Variants in GRID1 observed in about 807,000 individuals in gnomAD.
GRID1 encodes the protein glutamate ionotropic receptor delta type subunit 1, also known as glutamate receptor ionotropic, delta-1.
A neutral mutation model predicts 98.0 loss-of-function variants in GRID1; 28 were observed. That is an observed-to-expected ratio of 0.29 (90% CI 0.21 to 0.39). The LOEUF (loss-of-function observed/expected upper bound fraction) is 0.39. GRID1 is among the 10% of genes least tolerant of loss of function. The pLI is 1.00. For missense variants in GRID1, 1,111 were observed against 1,340.5 expected (o/e 0.83, Z 2.67); for synonymous variants, 553 against 538.5 (o/e 1.03, Z -0.37).
chr10:86,101,692 C>T (rs1176471818), intron 4 of GRID1, among the ~76,000 whole-genome samples: 1 of 148,330 alleles, frequency 6.7e-6, no homozygotes, highest in Non-Finnish European at 1.5e-5. Flanking sequence ...GGCTAGAGTG[C>T]AGTGTGGTGC....
intron 8 of GRID1, among the ~76,000 whole-genome samples, chr10:85,741,083 T>A (rs1841938786): frequency 6.6e-6 from 1 of 152,142 alleles, no homozygotes; most frequent in Non-Finnish European, 1.5e-5. Context: ...AGAGACCATC[T>A]CTTCTTCATT....
chr10:85,684,487 A>G (rs1841246617), intron 12 of GRID1, among the ~76,000 whole-genome samples: 1 of 152,226 alleles, frequency 6.6e-6, no homozygotes, highest in Non-Finnish European at 1.5e-5. Flanking sequence ...AGAAAAAACT[A>G]TAATCATCTT....
intron 4 of GRID1, among the ~76,000 whole-genome samples, chr10:85,939,650 C>G (rs1390109307): frequency 1.3e-5 from 2 of 152,120 alleles, no homozygotes; most frequent in African/African-American, 4.8e-5. Flanking sequence ...TTCCATTGCG[C>G]CCACCTGGAT....
chr10:85,953,432 G>A (rs927238284), intron 4 of GRID1, among the ~76,000 whole-genome samples: 1 of 152,194 alleles, frequency 6.6e-6, no homozygotes, highest in Non-Finnish European at 1.5e-5. Flanking sequence ...TAATACCTGA[G>A]TGATGAAATA....
At chr10:85,951,669 T>C (rs1214953682) in intron 4 of GRID1, among the ~76,000 whole-genome samples, 3 of 152,218 alleles carry the variant, frequency 2.0e-5, no homozygotes, top group Non-Finnish European at 2.9e-5. Context: ...TCTAAGGCAA[T>C]TTATGTACAC....
At chr10:86,321,530 A>T (rs928297134) in intron 2 of GRID1, among the ~76,000 whole-genome samples, 5 of 152,220 alleles carry the variant, frequency 3.3e-5, no homozygotes, top group African/African-American at 1.2e-4. Context: ...AATGCTTGCA[A>T]GGCAGAAGGT....
chr10:85,612,460 A>T (rs1259326411), intron 15 of GRID1, among the ~76,000 whole-genome samples: 1 of 152,174 alleles, frequency 6.6e-6, no homozygotes, highest in Non-Finnish European at 1.5e-5. Flanking sequence ...ACAGACAAAA[A>T]ACAAAACAAA....
chr10:85,912,070 C>A (rs1245505837), intron 5 of GRID1, among the ~76,000 whole-genome samples: 2 of 152,190 alleles, frequency 1.3e-5, no homozygotes, highest in Non-Finnish European at 2.9e-5. Context: ...TGTACATTGA[C>A]CTGCCTTCAA....
chr10:85,840,997 T>C (rs1485547182), intron 8 of GRID1, among the ~76,000 whole-genome samples: 1 of 152,164 alleles, frequency 6.6e-6, no homozygotes, highest in Non-Finnish European at 1.5e-5. Context: ...ATTTTAAAAT[T>C]CATATGGAAC....
At chr10:85,977,087 C>T (rs1842482487) in intron 4 of GRID1, among the ~76,000 whole-genome samples, 1 of 152,186 alleles carries the variant, frequency 6.6e-6, no homozygotes, top group Admixed American at 6.5e-5. Flanking sequence ...TGCTTAAATC[C>T]TGGGACATAC....
In GRID1 at chr10:86,267,651, C is replaced by A. The variant is rs115251884; in HGVS notation, c.236-61003G>T. Among the ~76,000 whole-genome samples the A allele has an allele frequency of 9.4e-3, 1,438 of 152,270 alleles. 21 individuals carry two copies. The highest frequency in any genetic ancestry group is 0.032 in the African/African-American group (1,322 of 41,530). ...TCCGAGTGCCCACCACACCCACTAGCCAGAACTCCACGGCCATGGCTCAGC... is the reference window on the plus strand; with the variant it reads ...TCCGAGTGCCCACCACACCCACTAGACAGAACTCCACGGCCATGGCTCAGC... On this transcript the variant is annotated intron_variant, in intron 2 of 15. Coordinates refer to ENST00000327946, the MANE Select transcript of GRID1 (RefSeq NM_017551.3).
intron 4 of GRID1, among the ~76,000 whole-genome samples, chr10:85,947,822 G>A (rs948274348): frequency 6.6e-6 from 1 of 152,166 alleles, no homozygotes; most frequent in Non-Finnish European, 1.5e-5. Flanking sequence ...AGCCTCCTTC[G>A]ACCTTGTTCT....
intron 8 of GRID1, among the ~76,000 whole-genome samples, chr10:85,736,837 C>A (rs1841887994): frequency 6.6e-6 from 1 of 152,106 alleles, no homozygotes; most frequent in African/African-American, 2.4e-5. Context: ...CAGCTAAATG[C>A]AGGAACAACA....
chr10:85,901,566 A>G (rs1279267361), intron 5 of GRID1, among the ~76,000 whole-genome samples: 2 of 152,180 alleles, frequency 1.3e-5, no homozygotes, highest in Non-Finnish European at 2.9e-5. Context: ...GTGTTAGGCC[A>G]CTTCCTATAT....
At chr10:86,022,577 A>T (rs1305454180) in intron 4 of GRID1, among the ~76,000 whole-genome samples, 1 of 151,942 alleles carries the variant, frequency 6.6e-6, no homozygotes, top group Non-Finnish European at 1.5e-5. Context: ...TCTCTGTGAG[A>T]GGCTAGCTCA....
chr10:86,097,529 ATCTG>A (rs1317608482), intron 4 of GRID1, among the ~76,000 whole-genome samples: 22 of 152,248 alleles, frequency 1.4e-4, no homozygotes, highest in Non-Finnish European at 2.2e-4. Flanking sequence ...CTATCTAGCT[ATCTG>A]TCTGTCTATC....
intron 12 of GRID1, among the ~76,000 whole-genome samples, chr10:85,678,549 C>T (rs1237867015): frequency 6.6e-6 from 1 of 152,048 alleles, no homozygotes; most frequent in African/African-American, 2.4e-5. Context: ...AGGTCCCATC[C>T]CCTCATGTGG....
At chr10:85,612,613 C>A (rs1044124947) in intron 15 of GRID1, among the ~76,000 whole-genome samples, 22 of 151,988 alleles carry the variant, frequency 1.4e-4, no homozygotes, top group African/African-American at 5.1e-4. Flanking sequence ...GACAGCCCCA[C>A]GGATGGTGTG....
intron 3 of GRID1, among the ~76,000 whole-genome samples, chr10:86,178,429 G>A (rs1364439655): frequency 6.6e-6 from 1 of 152,144 alleles, no homozygotes; most frequent in Non-Finnish European, 1.5e-5. Context: ...AGGCTCTCCA[G>A]AGGCAACCTG....
Sources: gnomAD v4.1 joint callset for allele counts (sites outside exome capture counted in the v4.1 genomes callset) on GRCh38, gnomAD v4.1.1 for gene constraint, MANE v1.5 for transcripts, NCBI Gene and HGNC (gene_info 2026-07-23, HGNC 2026-07-21) for gene names.